Variants in TERF2 observed in about 807,000 individuals in gnomAD.
The protein encoded by TERF2 is telomeric repeat-binding factor 2.
Under a neutral mutation model 56.1 loss-of-function variants are expected in TERF2, and 16 were observed. The observed-to-expected ratio is 0.29, with a 90% CI of 0.19 to 0.43. The LOEUF is 0.43. Ranked by LOEUF, TERF2 falls within the 20% of genes least tolerant of loss-of-function variation. The pLI, the probability that TERF2 is intolerant of heterozygous loss-of-function variation, is 1.00. For missense variants in TERF2, 547 were observed against 712.9 expected, an observed-to-expected ratio of 0.77 and a Z score of 2.65; for synonymous variants, 296 against 282.1, an observed-to-expected ratio of 1.05 and a Z score of -0.50.
intron 3 of TERF2, among the ~76,000 whole-genome samples, chr16:69,383,208 T>C (rs1321070658): frequency 6.6e-6 from 1 of 152,166 alleles, no homozygotes; most frequent in Non-Finnish European, 1.5e-5. Context: ...AAATCTGAAA[T>C]GCTCCAATGA....
At chr16:69,382,088 T>C (rs1462276473) in intron 3 of TERF2, among the ~76,000 whole-genome samples, 5 of 152,228 alleles carry the variant, frequency 3.3e-5, no homozygotes, top group Admixed American at 6.5e-5. Context: ...TGCCAATGCA[T>C]TGAAAAAGTC....
At chr16:69,384,520 G>C in intron 3 of TERF2, 60 bp downstream of exon 3, 1 of 1,572,144 alleles carries the variant, frequency 6.4e-7, no homozygotes, top group East Asian at 2.3e-5. Context: ...AGTAAGTGCT[G>C]TATCCTCAAA....
rs1232241671 is a variant in TERF2 at position 69,373,600 on chromosome 16, G to A, written c.607-1245C>T. On this transcript the variant is annotated intron_variant, in intron 3 of 9. Coordinates refer to ENST00000254942, the MANE Select transcript of TERF2 (RefSeq NM_005652.5). ...GTATTCCCACACTTTGAGAGGCCAA[G>A]GTGGGAGGATCGCTTGAGCTCAGGA... is the stretch of plus-strand genomic sequence containing the variant. 2.0e-5 allele frequency among the ~76,000 whole-genome samples: 3 copies of A among 152,118 alleles called. No homozygotes were observed. The East Asian group carries it at 5.8e-4, about 29-fold the overall frequency.
intron 7 of TERF2, among the ~76,000 whole-genome samples, chr16:69,361,979 C>T (rs2013162945): frequency 7.1e-6 from 1 of 141,496 alleles, no homozygotes. Context: ...TCTTCCCCTT[C>T]CAAAGCCAAA....
intron 5 of TERF2, among the ~76,000 whole-genome samples, chr16:69,368,923 G>A (rs1012103392): frequency 5.3e-5 from 8 of 152,008 alleles, no homozygotes; most frequent in African/African-American, 1.9e-4. Context: ...TGATCTGCCC[G>A]CATCAGCCTC....
intron 7 of TERF2, among the ~76,000 whole-genome samples, chr16:69,362,998 A>G (rs541826003): frequency 6.6e-5 from 10 of 152,344 alleles, no homozygotes; most frequent in East Asian, 5.8e-4. Flanking sequence ...CTTGAGTTCC[A>G]TAAGTTTTCT....
chr16:69,362,663 T>G (rs1733046678), intron 7 of TERF2, among the ~76,000 whole-genome samples: 1 of 152,134 alleles, frequency 6.6e-6, no homozygotes, highest in Non-Finnish European at 1.5e-5. Context: ...AACCCCAAAC[T>G]CAAATTATTC....
intron 3 of TERF2, among the ~76,000 whole-genome samples, chr16:69,374,648 A>AGGGCC (rs1470161881): frequency 8.3e-5 from 5 of 60,034 alleles, no homozygotes; most frequent in African/African-American, 4.4e-4. Flanking sequence ...AAAAAAAAAA[A>AGGGCC]AAAAAAAAAA....
In TERF2 at chr16:69,355,856, T is replaced by TAAAAGTCCAGCATAAGGAAGGGAATTGGG. The variant is rs1199041125; in HGVS notation, c.*1013_*1041dup. On this transcript the variant is annotated 3_prime_UTR_variant, in exon 10 of 10. Transcript: ENST00000254942. ...ATTCAATCGGATTTTTTTTAAGCTT[T>TAAAAGTCCAGCATAAGGAAGGGAATTGGG]AAAAGTCCAGCATAAGGAAGGGAAT... The TAAAAGTCCAGCATAAGGAAGGGAATTGGG allele has an allele frequency of 1.9e-5, 3 of 160,392 alleles. No individual in the cohort carries two copies. The highest frequency in any genetic ancestry group is 4.1e-5 in the Non-Finnish European group (3 of 72,738). The allele number at this position is 160,392 out of a possible 1,614,324, so 9.9% of individuals were successfully genotyped here.
chr16:69,373,737 G>A (rs1000268440), intron 3 of TERF2, among the ~76,000 whole-genome samples: 3 of 152,176 alleles, frequency 2.0e-5, no homozygotes, highest in East Asian at 1.9e-4. Context: ...GGAGGTTGAG[G>A]TAGGAGGATC....
chr16:69,384,401 C>T (rs1268496693), intron 3 of TERF2, among the ~76,000 whole-genome samples, 179 bp downstream of exon 3: 1 of 152,192 alleles, frequency 6.6e-6, no homozygotes, highest in African/African-American at 2.4e-5. Flanking sequence ...CATTACTTCC[C>T]AAGCCTGGGT....
chr16:69,385,645 G>A lies in TERF2; in HGVS notation c.327C>T (p.Ala109=), dbSNP rs2014172149. The A allele has an allele frequency of 1.9e-6, 3 of 1,605,514 alleles. No individual in the cohort carries two copies. Among genetic ancestry groups the A allele is most frequent in the Non-Finnish European group, 2.5e-6 (3 of 1,176,862 alleles). ...AGTCCCCGTACCGGCTACCCCGAAA[G>A]GCCCGCAGCGCCTCGTGGAAGTAGA... ...LKFYFHEALR[A]FRGSRYGDFR... is the part of the protein sequence containing the mutation. The change falls in exon 1 of 10, where the codon GCC becomes GCT. Residue 109 remains alanine (A), a synonymous_variant. Coordinates refer to ENST00000254942, the MANE Select transcript of TERF2 (RefSeq NM_005652.5).
intron 4 of TERF2, among the ~76,000 whole-genome samples, chr16:69,371,610 T>C (rs1157343730): frequency 6.7e-6 from 1 of 150,356 alleles, no homozygotes; most frequent in Non-Finnish European, 1.5e-5. Context: ...AGCCCAGGAG[T>C]TCCAGACCAG....
intron 8 of TERF2, among the ~76,000 whole-genome samples, chr16:69,358,035 A>C (rs537715995): frequency 8.4e-6 from 1 of 119,718 alleles, no homozygotes; most frequent in African/African-American, 3.3e-5. Flanking sequence ...TTGTTTGAGA[A>C]GGAGTCTCAC....
At chr16:69,385,269 G>GA in intron 2 of TERF2, 122 bp downstream of exon 2, 1 of 833,348 alleles carries the variant, frequency 1.2e-6, no homozygotes. Context: ...ATCGTAGAAT[G>GA]AAAAAGACCA....
rs574561294 is a variant in TERF2 at position 69,357,852 on chromosome 16, T to C, written c.1427-291A>G. On this transcript the variant is annotated intron_variant, in intron 8 of 9. Transcript: ENST00000254942. ...GTAAAATCAACATCGTTTTCTTTTT[T>C]TTTTTTTTTTTTTTGAGACGGAGTC... 1.3e-4 allele frequency among the ~76,000 whole-genome samples: 20 copies of C among 149,350 alleles called. No individual in the cohort carries two copies. In the East Asian group the frequency reaches 2.9e-3, roughly 22 times the overall value.
Position 69,357,594 on chromosome 16 carries a change from G to A in TERF2, c.1427-33C>T, listed in dbSNP as rs776268576. ...ACATTAAAAGTAGACTCATTTCAGA[G>A]TTCACCTTTCTCTGCACAAACCACA... On this transcript the variant is annotated intron_variant, in intron 8 of 9. Transcript: ENST00000254942. The A allele has an allele frequency of 9.9e-6, 16 of 1,610,484 alleles. No homozygotes were observed. The South Asian group carries it at 1.8e-4, about 18-fold the overall frequency.
chr16:69,379,703 C>T (rs2013923853), intron 3 of TERF2, among the ~76,000 whole-genome samples: 1 of 152,060 alleles, frequency 6.6e-6, no homozygotes, highest in Admixed American at 6.6e-5. Context: ...TTTATTAATT[C>T]ATTAGAAAAT....
At chr16:69,357,111 T>G (rs2012935480) in intron 9 of TERF2, 55 bp from the exon 10 acceptor site, 3 of 1,550,782 alleles carry the variant, frequency 1.9e-6, no homozygotes, top group Non-Finnish European at 2.6e-6. Flanking sequence ...CTTACTTACA[T>G]TTTCTCCAAT....
Sources: gnomAD v4.1 joint callset for allele counts (sites outside exome capture counted in the v4.1 genomes callset) on GRCh38, gnomAD v4.1.1 for gene constraint, MANE v1.5 for transcripts, NCBI Gene and HGNC (gene_info 2026-07-23, HGNC 2026-07-21) for gene names.